The following TMEM87A variants were observed in gnomAD, a reference collection of about 807,000 sequenced individuals.
TMEM87A encodes the protein Golgi-pH regulating cation channel.
Under a neutral mutation model 90.0 loss-of-function variants are expected in TMEM87A, and 50 were observed. The ratio of observed to expected loss-of-function variants is 0.56; its 90% confidence interval spans 0.44 to 0.70. The LOEUF (loss-of-function observed/expected upper bound fraction) is 0.70, where lower values mean the gene tolerates loss of function less well. Among genes scored for constraint, TMEM87A ranks in the 30% least tolerant of loss-of-function variants. The pLI is 0.00. For synonymous variants in TMEM87A, 226 were observed against 226.7 expected, an observed-to-expected ratio of 1.00 and a Z score of 0.03; for missense variants, 577 against 660.5, an observed-to-expected ratio of 0.87 and a Z score of 1.39.
intron 19 of TMEM87A, 127 bp from the exon 20 acceptor site, chr15:42,211,876 A>G (rs1458565096): frequency 2.3e-6 from 2 of 873,874 alleles, no homozygotes; most frequent in Non-Finnish European, 1.8e-6. Flanking sequence ...GTTTAGAGAA[A>G]TGGTTCCTAA....
At position 42,254,158 on chromosome 15, in the gene TMEM87A, A is replaced by G. The variant is rs141772610; in HGVS notation, c.504+6800T>C. Among the ~76,000 whole-genome samples, 8 of 152,314 alleles carry G rather than the reference A, an allele frequency of 5.3e-5. No individual in the cohort carries two copies. In the East Asian group the frequency reaches 1.4e-3, roughly 26 times the overall value. ...CTCAAAATTGTAAGTGCCCTTCAAA[A>G]GAACCTTTTAACCCCATGAGTAAGG... is the stretch of plus-strand genomic sequence containing the variant. On this transcript the variant is annotated intron_variant, in intron 6 of 19. Coordinates refer to ENST00000389834, the MANE Select transcript of TMEM87A (RefSeq NM_015497.5).
intron 10 of TMEM87A, among the ~76,000 whole-genome samples, chr15:42,235,781 T>C (rs1372849514): frequency 6.6e-6 from 1 of 152,174 alleles, no homozygotes; most frequent in Non-Finnish European, 1.5e-5. Context: ...TCCACTGCAC[T>C]TTCCACTGAC....
chr15:42,245,661 A>G (rs187015278), intron 6 of TMEM87A, among the ~76,000 whole-genome samples: 2 of 151,422 alleles, frequency 1.3e-5, no homozygotes, highest in Non-Finnish European at 2.9e-5. Context: ...AGTAGCTGGG[A>G]TAACAGGTGC....
At chr15:42,229,564 A>G (rs1199013422) in intron 12 of TMEM87A, among the ~76,000 whole-genome samples, 1 of 151,982 alleles carries the variant, frequency 6.6e-6, no homozygotes, top group East Asian at 1.9e-4. Context: ...CAGCAAATCT[A>G]GTTGAGGGTC....
At chr15:42,258,098 A>G (rs1245693743) in intron 6 of TMEM87A, 1 of 978,096 alleles carries the variant, frequency 1.0e-6, no homozygotes, top group Non-Finnish European at 1.2e-6. Flanking sequence ...GAAACTCATA[A>G]AAGTTCAAGA....
chr15:42,231,637 C>G (rs1043477702), intron 11 of TMEM87A, among the ~76,000 whole-genome samples: 1 of 151,770 alleles, frequency 6.6e-6, no homozygotes, highest in Admixed American at 6.6e-5. Context: ...AGACTTTTCT[C>G]GTATTTAAAA....
intron 3 of TMEM87A, among the ~76,000 whole-genome samples, chr15:42,266,179 AT>A (rs1466700986): frequency 7.9e-5 from 12 of 152,154 alleles, no homozygotes; most frequent in Non-Finnish European, 1.5e-4. Context: ...AGTATTCTAG[AT>A]TATGGCAATT....
chr15:42,221,934 T>C (rs933514246), intron 15 of TMEM87A, among the ~76,000 whole-genome samples: 5 of 151,892 alleles, frequency 3.3e-5, no homozygotes, highest in African/African-American at 1.2e-4. Context: ...ACAATTTTTT[T>C]TGTAGAAATG....
chr15:42,221,170 C>T (rs1018142507), intron 15 of TMEM87A, among the ~76,000 whole-genome samples: 1 of 151,880 alleles, frequency 6.6e-6, no homozygotes, highest in Non-Finnish European at 1.5e-5. Context: ...AATCCCTTGA[C>T]CCCGGGGAAC....
intron 12 of TMEM87A, among the ~76,000 whole-genome samples, chr15:42,230,108 T>A (rs2140932262): frequency 6.6e-6 from 1 of 152,370 alleles, no homozygotes; most frequent in African/African-American, 2.4e-5. Flanking sequence ...GTTACAGGCA[T>A]GAGCCACTGC....
intron 6 of TMEM87A, chr15:42,258,043 T>C (rs1174887511): frequency 2.8e-5 from 27 of 972,546 alleles, no homozygotes; most frequent in South Asian, 4.8e-5. Flanking sequence ...AAAGCAAATG[T>C]AGTTAAAATA....
chr15:42,245,888 T>C (rs529983198), intron 6 of TMEM87A, among the ~76,000 whole-genome samples: 1 of 152,324 alleles, frequency 6.6e-6, no homozygotes, highest in South Asian at 2.1e-4. Flanking sequence ...ATTAACTCCT[T>C]TGTAAACTAA....
intron 11 of TMEM87A, chr15:42,231,779 TTA>T (rs2050689379): frequency 1.2e-6 from 1 of 808,962 alleles, no homozygotes. Flanking sequence ...TTCCAGGAGT[TTA>T]TATAGAGTAT....
chr15:42,237,604 C>A lies in TMEM87A; in HGVS notation c.696G>T (p.Val232=). 1 of 1,585,424 alleles carries A rather than the reference C, an allele frequency of 6.3e-7. No homozygotes were observed. Among genetic ancestry groups the A allele is most frequent in the Non-Finnish European group, 8.6e-7 (1 of 1,165,110 alleles). The stretch of plus-strand genomic sequence containing the variant: ...CAAACAGGACATATACAATACACAT[C>A]ACCATGAAAAACTGTTATCAAATTG... ...EDYPLMIFFM[V]MCIVYVLFGV... is the part of the protein sequence containing the mutation. Residue 232 remains valine, a synonymous_variant, in exon 9 of 20, where the codon GTG becomes GTT. Transcript: ENST00000389834.
chr15:42,254,610 C>A (rs2140968977), intron 6 of TMEM87A, among the ~76,000 whole-genome samples: 1 of 152,208 alleles, frequency 6.6e-6, no homozygotes, highest in Non-Finnish European at 1.5e-5. Flanking sequence ...CTAAAGAGGT[C>A]ACATATTTGT....
intron 8 of TMEM87A, among the ~76,000 whole-genome samples, 188 bp from the exon 9 acceptor site, chr15:42,237,803 C>T (rs983124370): frequency 5.3e-5 from 8 of 151,706 alleles, no homozygotes; most frequent in African/African-American, 1.5e-4. Flanking sequence ...GTTGGGATTA[C>T]AGGCATAAGC....
intron 19 of TMEM87A, among the ~76,000 whole-genome samples, chr15:42,216,369 C>G (rs910005181): frequency 1.3e-5 from 2 of 152,206 alleles, no homozygotes; most frequent in Non-Finnish European, 2.9e-5. Flanking sequence ...GAGAGTAGAT[C>G]TCATTGTTAT....
Position 42,272,117 on chromosome 15 carries a change from T to C in TMEM87A, c.151A>G (p.Asn51Asp). ...AGGATCTTTCCAAAACTAAAATAAT[T>C]TTTCCCCTGCAAACATAAAGGAAAG... ...KWHIPIPSGK[N>D]YFSFGKILFR... Residue 51 changes from asparagine to aspartate, a missense_variant, in exon 2 of 20, where the codon AAT becomes GAT. Transcript: ENST00000389834. 1 of 1,606,552 alleles carries C rather than the reference T, an allele frequency of 6.2e-7. No individual in the cohort carries two copies. The highest frequency in any genetic ancestry group is 8.5e-7 in the Non-Finnish European group (1 of 1,176,790).
intron 19 of TMEM87A, among the ~76,000 whole-genome samples, chr15:42,213,224 G>A (rs2620383): frequency 0.079 from 11,993 of 152,244 alleles, 1,282 homozygotes; most frequent in African/African-American, 0.23. Flanking sequence ...TGACTTTTCT[G>A]GAACCTGCAC....
Sources: gnomAD v4.1 joint callset for allele counts (sites outside exome capture counted in the v4.1 genomes callset) on GRCh38, gnomAD v4.1.1 for gene constraint, MANE v1.5 for transcripts, NCBI Gene and HGNC (gene_info 2026-07-23, HGNC 2026-07-21) for gene names.